The following NT5M variants were observed in gnomAD, a reference collection of about 807,000 sequenced individuals.
NT5M encodes the protein 5',3'-nucleotidase, mitochondrial.
In NT5M, 22 loss-of-function variants were observed where a neutral mutation model predicts 22.2. The ratio of observed to expected loss-of-function variants is 0.99; its 90% CI spans 0.71 to 1.41. The LOEUF is 1.41. Among genes scored for constraint, NT5M ranks in the 40% most tolerant of loss-of-function variants. The pLI is 0.00. For missense variants in NT5M, 322 were observed against 314.8 expected (o/e 1.02, Z -0.17); for synonymous variants, 167 against 133.0 (o/e 1.26, Z -1.76).
At chr17:17,306,368 GT>G (rs2048800749) in intron 1 of NT5M, among the ~76,000 whole-genome samples, 174 bp from the exon 2 acceptor site, 1 of 152,156 alleles carries the variant, frequency 6.6e-6, no homozygotes, top group Admixed American at 6.6e-5. Flanking sequence ...CTGGAAAGGG[GT>G]TCGAAGTCCA....
chr17:17,347,589 C>T lies in NT5M; in HGVS notation c.*642C>T, dbSNP rs2049785876. On this transcript the variant is annotated 3_prime_UTR_variant, in exon 5 of 5. Transcript: ENST00000389022. ...TCTGTTCCCAGGGCCCCGCTCAGGG[C>T]CCAGCAGAGAGTCCGTAGGCTTGAA... is the stretch of plus-strand genomic sequence containing the variant. The T allele has an allele frequency of 6.5e-6, 1 of 152,888 alleles. No individual in the cohort carries two copies. The highest frequency in any genetic ancestry group is 2.4e-5 in the African/African-American group (1 of 41,468). 9.5% of individuals were successfully genotyped at this position (152,888 alleles called of 1,614,324 possible).
At position 17,323,284 on chromosome 17, in the gene NT5M, G is replaced by T. The variant is rs535820962; in HGVS notation, c.429+39G>T. On this transcript the variant is annotated intron_variant, in intron 3 of 4. Transcript: ENST00000389022. The stretch of plus-strand genomic sequence containing the variant: ...CTGCTCAGCTGAGCCCTTACCCCAT[G>T]CATCACAGGTGAGGGGTACGGGGCT... 302 of 1,544,958 alleles carry T rather than the reference G, an allele frequency of 2.0e-4. 4 individuals carry two copies. In the South Asian group the frequency reaches 3.3e-3, roughly 17 times the overall value.
intron 4 of NT5M, among the ~76,000 whole-genome samples, chr17:17,345,887 A>T (rs762454890): frequency 1.3e-5 from 2 of 152,086 alleles, no homozygotes; most frequent in Non-Finnish European, 2.9e-5. Flanking sequence ...AGGGGTGAGG[A>T]GGGCTTTGGC....
intron 2 of NT5M, among the ~76,000 whole-genome samples, chr17:17,311,224 G>A (rs1256353717): frequency 2.6e-5 from 4 of 151,816 alleles, no homozygotes; most frequent in East Asian, 1.9e-4. Flanking sequence ...TGTAGTCCCA[G>A]CTACTCAGGA....
intron 2 of NT5M, among the ~76,000 whole-genome samples, chr17:17,317,691 A>G (rs7218566): frequency 0.019 from 2,861 of 152,254 alleles, 104 homozygotes; most frequent in African/African-American, 0.066. Context: ...TAGGCCGGGC[A>G]TGGTGGCTCA....
At chr17:17,344,652 G>A in intron 3 of NT5M, 142 bp from the exon 4 acceptor site, 1 of 972,914 alleles carries the variant, frequency 1.0e-6, no homozygotes, top group Admixed American at 2.4e-5. Context: ...TGACTGCCTG[G>A]CGCTGGGCCT....
chr17:17,303,410 T>G lies in NT5M; in HGVS notation c.-141T>G, dbSNP rs1045607762. The G allele has an allele frequency of 2.1e-6, 2 of 964,666 alleles. No homozygotes were observed. Among genetic ancestry groups the G allele is most frequent in the African/African-American group, 3.5e-5 (2 of 56,758 alleles). The allele number at this position is 964,666 out of a possible 1,614,324, so 59.8% of individuals were successfully genotyped here. A position where few individuals can be genotyped will look rare whatever the true frequency, so the allele number is the denominator to read the frequency against. ...GTACTTGCGCGCCCGCACCCCGCGC[T>G]CCCCGCCCCGCTCCCCGTCCCGCGC... On this transcript the variant is annotated 5_prime_UTR_variant, in exon 1 of 5. Transcript: ENST00000389022.
At chr17:17,313,700 GA>G (rs2048966138) in intron 2 of NT5M, among the ~76,000 whole-genome samples, 1 of 111,380 alleles carries the variant, frequency 9.0e-6, no homozygotes, top group Non-Finnish European at 2.0e-5. Flanking sequence ...ACAGACATTG[GA>G]ACATAGATCT....
At chr17:17,323,356 C>T (rs913407713) in intron 3 of NT5M, 111 bp downstream of exon 3, 7 of 898,316 alleles carry the variant, frequency 7.8e-6, no homozygotes, top group African/African-American at 4.9e-5. Context: ...ACTCCCCCAC[C>T]TCTGTGACAG....
chr17:17,304,040 G>A lies in NT5M; in HGVS notation c.267+223G>A, dbSNP rs183946460. 5.3e-5 allele frequency: 63 copies of A among 1,185,038 alleles called. No individual in the cohort carries two copies. The East Asian group carries it at 1.9e-3, about 36-fold the overall frequency. The allele number at this position is 1,185,038 out of a possible 1,614,324, so 73.4% of individuals were successfully genotyped here. A position where few individuals can be genotyped will look rare whatever the true frequency, so the allele number is the denominator to read the frequency against. ...CCAAGGTTTCTGAAAATGCGGGAGA[G>A]TACAAAGTGTTAATATACCTAACTC... On this transcript the variant is annotated intron_variant, in intron 1 of 4. Coordinates refer to ENST00000389022, the MANE Select transcript of NT5M (RefSeq NM_020201.4).
At chr17:17,343,206 T>C (rs2049683585) in intron 3 of NT5M, among the ~76,000 whole-genome samples, 1 of 152,042 alleles carries the variant, frequency 6.6e-6, no homozygotes, top group African/African-American at 2.4e-5. Context: ...TTTAGAAGGA[T>C]AGGTGCTCAC....
At chr17:17,336,238 G>A (rs1373565574) in intron 3 of NT5M, among the ~76,000 whole-genome samples, 6 of 150,308 alleles carry the variant, frequency 4.0e-5, no homozygotes, top group East Asian at 4.0e-4. Flanking sequence ...TCCTGACCTC[G>A]TGATCCGCCT....
intron 2 of NT5M, among the ~76,000 whole-genome samples, chr17:17,322,066 C>G (rs1161501431): frequency 1.3e-5 from 2 of 151,868 alleles, no homozygotes; most frequent in East Asian, 3.9e-4. Context: ...TGGATCTGTA[C>G]CTATGCACAC....
At chr17:17,333,699 C>G (rs1355126525) in intron 3 of NT5M, 3 of 152,160 alleles carry the variant, frequency 2.0e-5, no homozygotes, top group African/African-American at 7.2e-5. Context: ...CTTTGTCTCC[C>G]TGGCTGTAGT....
intron 3 of NT5M, among the ~76,000 whole-genome samples, chr17:17,330,712 A>G (rs558495846): frequency 1.4e-5 from 2 of 146,218 alleles, no homozygotes; most frequent in East Asian, 4.1e-4. Context: ...AAGATAATGA[A>G]TTACATTTCT....
intron 3 of NT5M, among the ~76,000 whole-genome samples, chr17:17,342,244 A>T (rs1285291589): frequency 6.6e-6 from 1 of 152,218 alleles, no homozygotes; most frequent in African/African-American, 2.4e-5. Context: ...ACAACTCAAT[A>T]CAAACAGCCC....
intron 3 of NT5M, 54 bp downstream of exon 3, chr17:17,323,299 G>A: frequency 6.9e-7 from 1 of 1,455,346 alleles, no homozygotes; most frequent in Non-Finnish European, 9.6e-7. Context: ...ACAGGTGAGG[G>A]GTACGGGGCT....
chr17:17,333,787 A>G (rs2049437165), intron 3 of NT5M, among the ~76,000 whole-genome samples: 1 of 150,480 alleles, frequency 6.6e-6, no homozygotes, highest in African/African-American at 2.4e-5. Context: ...CCTCCCTAGT[A>G]GCTGGGATTA....
At chr17:17,313,524 G>C (rs936859554) in intron 2 of NT5M, among the ~76,000 whole-genome samples, 2 of 152,194 alleles carry the variant, frequency 1.3e-5, no homozygotes, top group Non-Finnish European at 2.9e-5. Context: ...TGGTGCTGAA[G>C]TGGGCACTGA....
Sources: gnomAD v4.1 joint callset for allele counts (sites outside exome capture counted in the v4.1 genomes callset) on GRCh38, gnomAD v4.1.1 for gene constraint, MANE v1.5 for transcripts, NCBI Gene and HGNC (gene_info 2026-07-23, HGNC 2026-07-21) for gene names.